The following TRIM34 variants were observed in gnomAD, a reference collection of about 807,000 sequenced individuals.
The protein encoded by TRIM34 is tripartite motif containing 34, also known as E3 ubiquitin-protein ligase TRIM34.
TRIM34 carries 41 observed loss-of-function variants against 38.1 expected under a neutral mutation model. That is an observed-to-expected ratio of 1.08 (90% CI 0.84 to 1.40). The LOEUF (loss-of-function observed/expected upper bound fraction) is 1.40, where lower values mean the gene tolerates loss of function less well. Among genes scored for constraint, TRIM34 ranks in the 40% most tolerant of loss-of-function variants. The pLI is 0.00. For synonymous variants in TRIM34, 200 were observed against 202.5 expected (o/e 0.99, Z 0.10); for missense variants, 556 against 571.4 (o/e 0.97, Z 0.27).
intron 4 of TRIM34, among the ~76,000 whole-genome samples, chr11:5,636,884 C>T (rs1310581963): frequency 1.3e-5 from 2 of 152,142 alleles, no homozygotes; most frequent in African/African-American, 4.8e-5. Context: ...CGGTGGCTCA[C>T]GCCTGTAATC....
chr11:5,641,323 T>A, intron 5 of TRIM34, 134 bp downstream of exon 5: 1 of 1,545,960 alleles, frequency 6.5e-7, no homozygotes, highest in Non-Finnish European at 8.8e-7. Flanking sequence ...TATCTTAAAT[T>A]GCTGGTCCCC....
chr11:5,635,182 C>G (rs1038369078), intron 4 of TRIM34, among the ~76,000 whole-genome samples: 1 of 151,912 alleles, frequency 6.6e-6, no homozygotes, highest in East Asian at 1.9e-4. Flanking sequence ...GGTTTAAGAG[C>G]ATACACATTT....
Position 5,634,720 on chromosome 11 carries a change from A to C in TRIM34, c.609A>C (p.Gln203His). Residue 203 changes from glutamine to histidine, a missense_variant, in exon 4 of 8, where the codon CAA becomes CAC. Transcript: ENST00000429814. ...ATAATGAGGAGCAGAGAGAGCTGCA[A>C]AGATTGGAAGAAGAAGAAAAGAAGA... ...ILNNEEQREL[Q>H]RLEEEEKKTL... is the part of the protein sequence containing the mutation. 6.2e-7 allele frequency: 1 copy of C among 1,614,090 alleles called. No homozygotes were observed. Among genetic ancestry groups the C allele is most frequent in the Non-Finnish European group, 8.5e-7 (1 of 1,180,004 alleles).
intron 4 of TRIM34, among the ~76,000 whole-genome samples, chr11:5,635,460 G>A (rs553022896): frequency 4.6e-5 from 7 of 152,042 alleles, no homozygotes; most frequent in Non-Finnish European, 7.4e-5. Context: ...GTTTCACCGT[G>A]CTAGCCAGTA....
chr11:5,642,684 G>C (rs965565865), intron 6 of TRIM34, 133 bp from the exon 7 acceptor site: 18 of 1,330,836 alleles, frequency 1.4e-5, no homozygotes, highest in African/African-American at 2.1e-5. Flanking sequence ...TAGGTCTCTG[G>C]TTTATCTTTT....
At chr11:5,634,530 C>CACACACACACATATATAT (rs1491498839) in intron 3 of TRIM34, 101 bp from the exon 4 acceptor site, 99 of 262,010 alleles carry the variant, frequency 3.8e-4, no homozygotes, top group African/African-American at 2.1e-3. Flanking sequence ...CACACACACA[C>CACACACACACATATATAT]ATATATATAT....
At chr11:5,634,530 C>CACACACACACACACACAT (rs1491498839) in intron 3 of TRIM34, 101 bp from the exon 4 acceptor site, 35 of 262,012 alleles carry the variant, frequency 1.3e-4, no homozygotes, top group Middle Eastern at 7.3e-4. Flanking sequence ...CACACACACA[C>CACACACACACACACACAT]ATATATATAT....
intron 4 of TRIM34, among the ~76,000 whole-genome samples, 195 bp from the exon 5 acceptor site, chr11:5,640,972 T>G (rs1849981911): frequency 6.6e-6 from 1 of 152,160 alleles, no homozygotes; most frequent in Non-Finnish European, 1.5e-5. Flanking sequence ...TTCCTTAAGG[T>G]CAGTAGTAAT....
At position 5,644,137 on chromosome 11, in the gene TRIM34, A is replaced by G. The variant is rs1444131544; in HGVS notation, c.*428A>G. ...TGCTCAGGATACCCCAGGTACATCA[A>G]GGAATCAAGGAGAGGAAAATATGAG... On this transcript the variant is annotated 3_prime_UTR_variant, in exon 8 of 8. Coordinates refer to ENST00000429814, the MANE Select transcript of TRIM34 (RefSeq NM_021616.6). 7 of 400,244 alleles carry G rather than the reference A, an allele frequency of 1.7e-5. No individual in the cohort carries two copies. The highest frequency in any genetic ancestry group is 3.1e-5 in the Non-Finnish European group (7 of 227,382). The allele number at this position is 400,244 out of a possible 1,614,324, so 24.8% of individuals were successfully genotyped here.
intron 4 of TRIM34, among the ~76,000 whole-genome samples, chr11:5,639,192 G>A (rs1433665016): frequency 1.3e-5 from 2 of 152,088 alleles, no homozygotes; most frequent in Non-Finnish European, 1.5e-5. Context: ...ACTCACTCAG[G>A]CACCAGCTTT....
chr11:5,642,282 C>T (rs904602655), intron 5 of TRIM34, 124 bp from the exon 6 acceptor site: 19 of 774,590 alleles, frequency 2.5e-5, no homozygotes, highest in Non-Finnish European at 3.7e-5. Context: ...CCTTCTCCCC[C>T]TCCTCAGGCT....
chr11:5,643,537 G>T lies in TRIM34; in HGVS notation c.1295G>T (p.Arg432Leu). 3 of 1,614,182 alleles carry T rather than the reference G, an allele frequency of 1.9e-6. No homozygotes were observed. The highest frequency in any genetic ancestry group is 2.5e-6 in the Non-Finnish European group (3 of 1,180,042). The change falls in exon 8 of 8, where the codon CGT becomes CTT. Residue 432 changes from arginine to leucine, a missense_variant. Arg to Leu is a moderately radical substitution (Grantham distance 102, BLOSUM62 -2). Coordinates refer to ENST00000429814, the MANE Select transcript of TRIM34 (RefSeq NM_021616.6). The part of the protein sequence containing the change: ...LTLSMAVPPC[R>L]VGVFLDYEAG... ...CTCTCCATGGCTGTGCCTCCCTGCC[G>T]TGTTGGGGTTTTCCTCGACTATGAA...
upstream of TRIM34, among the ~76,000 whole-genome samples, chr11:5,622,618 C>CA (rs1306380353): frequency 5.8e-4 from 72 of 123,770 alleles, no homozygotes; most frequent in East Asian, 0.013. Flanking sequence ...AACTCCATCT[C>CA]AAAAAAACAA....
chr11:5,642,922 C>CTTAG, intron 7 of TRIM34, 79 bp downstream of exon 7: 1 of 1,578,776 alleles, frequency 6.3e-7, no homozygotes, highest in South Asian at 1.1e-5. Context: ...ATCTTCTGAT[C>CTTAG]TTAGCCTCAT....
chr11:5,642,907 A>G (rs1850079066), intron 7 of TRIM34, 64 bp downstream of exon 7: 2 of 1,601,248 alleles, frequency 1.2e-6, no homozygotes, highest in Non-Finnish European at 1.7e-6. Context: ...TATGGTTTCA[A>G]TGATATCTTC....
intron 2 of TRIM34, among the ~76,000 whole-genome samples, chr11:5,632,993 A>ATT (rs147651925): frequency 3.1e-4 from 38 of 122,284 alleles, no homozygotes; most frequent in African/African-American, 1.2e-3. Flanking sequence ...CGCCTGGCTA[A>ATT]TTTTTTTTTT....
chr11:5,624,018 C>T (rs767546076), upstream of TRIM34, among the ~76,000 whole-genome samples: 3 of 152,130 alleles, frequency 2.0e-5, no homozygotes, highest in South Asian at 2.1e-4. Flanking sequence ...GAAAATGGAG[C>T]ATGCTGTTTG....
upstream of TRIM34, among the ~76,000 whole-genome samples, chr11:5,624,195 C>T (rs1254545999): frequency 6.6e-6 from 1 of 152,188 alleles, no homozygotes; most frequent in Non-Finnish European, 1.5e-5. Flanking sequence ...TTCTCAGCCT[C>T]AGATTCGCGT....
At chr11:5,625,326 A>G (rs1849157600) in intron 1 of TRIM34, among the ~76,000 whole-genome samples, 1 of 152,106 alleles carries the variant, frequency 6.6e-6, no homozygotes, top group African/African-American at 2.4e-5. Flanking sequence ...ATCTATTTCC[A>G]TTCCCTTCCT....
Sources: gnomAD v4.1 joint callset for allele counts (sites outside exome capture counted in the v4.1 genomes callset) on GRCh38, gnomAD v4.1.1 for gene constraint, MANE v1.5 for transcripts, NCBI Gene and HGNC (gene_info 2026-07-23, HGNC 2026-07-21) for gene names.